Variants in FAT3 observed in about 807,000 individuals in gnomAD.
The protein encoded by FAT3 is protocadherin Fat 3.
In FAT3, 95 loss-of-function variants were observed where a neutral mutation model predicts 310.2. The ratio of observed to expected loss-of-function variants is 0.31; its 90% CI spans 0.26 to 0.36. FAT3 has a LOEUF of 0.36. Ranked by LOEUF, FAT3 falls within the 10% of genes least tolerant of loss-of-function variation. The pLI is 1.00. For synonymous variants in FAT3, 2,314 were observed against 2,192.9 expected (o/e 1.06, Z -1.54); for missense variants, 5,408 against 5,715.6 (o/e 0.95, Z 1.74).
At chr11:92,708,505 A>T (rs1312676601) in intron 4 of FAT3, among the ~76,000 whole-genome samples, 1 of 152,214 alleles carries the variant, frequency 6.6e-6, no homozygotes, top group Non-Finnish European at 1.5e-5. Context: ...CCTTTATAAG[A>T]TTTGGTGAGG....
chr11:92,383,630 ACT>A (rs1044144264), intron 2 of FAT3, among the ~76,000 whole-genome samples: 2 of 152,140 alleles, frequency 1.3e-5, no homozygotes, highest in African/African-American at 4.8e-5. Context: ...CCAAGTTGAC[ACT>A]CTGCCTTATG....
rs759024024 is a variant in FAT3 at position 92,800,491 on chromosome 11, G to T, written c.7478G>T (p.Ser2493Ile). The T allele has an allele frequency of 6.2e-6, 10 of 1,613,856 alleles. No homozygotes were observed. The highest frequency in any genetic ancestry group is 8.5e-6 in the Non-Finnish European group (10 of 1,179,876). The change falls in exon 10 of 28, where the codon AGC becomes ATC. Residue 2493 changes from serine (S) to isoleucine (I), a missense_variant. Physicochemically the swap from Ser to Ile is moderately radical, Grantham distance 142. Coordinates refer to ENST00000525166, the MANE Select transcript of FAT3 (RefSeq NM_001367949.2). The stretch of plus-strand genomic sequence containing the variant: ...AGGGTACTTGGGGCTAACTTGTACA[G>T]CCCTGCCTTTTCACAAAGCACATAC... ...HIRVLGANLY[S>I]PAFSQSTYVA...
intron 2 of FAT3, among the ~76,000 whole-genome samples, chr11:92,373,583 T>C (rs1292551165): frequency 6.6e-6 from 1 of 152,282 alleles, no homozygotes; most frequent in East Asian, 1.9e-4. Flanking sequence ...CATTACAATA[T>C]GTATTATATA....
intron 3 of FAT3, among the ~76,000 whole-genome samples, chr11:92,651,163 A>G (rs1177086110): frequency 6.6e-6 from 1 of 152,198 alleles, no homozygotes; most frequent in Non-Finnish European, 1.5e-5. Context: ...CCAATTGTCA[A>G]ATGGCTACTG....
chr11:92,419,719 T>G (rs1177620456), intron 2 of FAT3, among the ~76,000 whole-genome samples: 1 of 152,200 alleles, frequency 6.6e-6, no homozygotes, highest in Non-Finnish European at 1.5e-5. Flanking sequence ...CCTCCAGCTG[T>G]GTACCTGTCA....
rs1395448508 is a variant in FAT3 at position 92,225,102 on chromosome 11, G to T, written c.-90G>T. Among the ~76,000 whole-genome samples, 1 of 152,174 alleles carries T rather than the reference G, an allele frequency of 6.6e-6. No individual in the cohort carries two copies. Among genetic ancestry groups the T allele is most frequent in the East Asian group, 1.9e-4 (1 of 5,152 alleles). On this transcript the variant is annotated 5_prime_UTR_variant, in exon 1 of 28. Coordinates refer to ENST00000525166, the MANE Select transcript of FAT3 (RefSeq NM_001367949.2). ...GGGGACCGGCTCGCCCGGAGCAAGA[G>T]CGCCGAGCACCGGGTGAAGAAGACC...
chr11:92,663,493 A>C (rs1942857040), intron 3 of FAT3, among the ~76,000 whole-genome samples: 1 of 152,290 alleles, frequency 6.6e-6, no homozygotes, highest in South Asian at 2.1e-4. Flanking sequence ...TTAAATAGCA[A>C]CTGCCTCTTG....
At chr11:92,641,559 C>T (rs1287364084) in intron 3 of FAT3, among the ~76,000 whole-genome samples, 2 of 152,156 alleles carry the variant, frequency 1.3e-5, no homozygotes, top group Non-Finnish European at 2.9e-5. Context: ...ACTCCAATCT[C>T]GGCCTCTGTC....
chr11:92,741,249 C>T (rs1040139057), intron 4 of FAT3, among the ~76,000 whole-genome samples: 6 of 152,148 alleles, frequency 3.9e-5, no homozygotes, highest in South Asian at 2.1e-4. Flanking sequence ...CCATGTTCCC[C>T]GAGCTGATCT....
intron 2 of FAT3, among the ~76,000 whole-genome samples, chr11:92,405,401 G>A (rs533752837): frequency 1.6e-4 from 24 of 152,284 alleles, no homozygotes; most frequent in Admixed American, 5.9e-4. Flanking sequence ...TATTCAGCAA[G>A]AACTTGCTGT....
intron 2 of FAT3, among the ~76,000 whole-genome samples, chr11:92,399,029 G>T (rs1326602265): frequency 2.6e-5 from 4 of 152,148 alleles, no homozygotes; most frequent in African/African-American, 4.8e-5. Context: ...GCATTAATCT[G>T]TTCAATGAAA....
chr11:92,434,486 G>A (rs1950881208), intron 2 of FAT3, among the ~76,000 whole-genome samples: 1 of 152,124 alleles, frequency 6.6e-6, no homozygotes, highest in Admixed American at 6.5e-5. Context: ...ACCCCTGAGA[G>A]GTGTCATTAC....
chr11:92,683,151 T>C (rs1220296458), intron 3 of FAT3, among the ~76,000 whole-genome samples: 1 of 152,034 alleles, frequency 6.6e-6, no homozygotes, highest in East Asian at 1.9e-4. Flanking sequence ...ATTTACTTGC[T>C]TTCTAATGTG....
chr11:92,852,641 A>C (rs2136311292), intron 19 of FAT3, among the ~76,000 whole-genome samples: 1 of 152,350 alleles, frequency 6.6e-6, no homozygotes, highest in African/African-American at 2.4e-5. Context: ...TTGCTGCTGG[A>C]ATGAATGTAA....
intron 2 of FAT3, among the ~76,000 whole-genome samples, chr11:92,488,452 C>CACCG (rs1373122169): frequency 2.7e-5 from 2 of 73,328 alleles, no homozygotes; most frequent in African/African-American, 6.1e-5. Context: ...CTAGCACCGC[C>CACCG]CCCCCCCCCG....
intron 2 of FAT3, among the ~76,000 whole-genome samples, chr11:92,378,844 G>C (rs1162765899): frequency 1.9e-4 from 29 of 152,098 alleles, no homozygotes; most frequent in Admixed American, 1.9e-3. Flanking sequence ...GGTGCTTTCT[G>C]GTTATGTTTT....
intron 2 of FAT3, among the ~76,000 whole-genome samples, chr11:92,402,743 G>A (rs1216739654): frequency 7.1e-6 from 1 of 140,178 alleles, no homozygotes; most frequent in African/African-American, 2.7e-5. Flanking sequence ...AAAAAAAAAA[G>A]AAAGAAAGAA....
chr11:92,868,603 G>GAAC (rs1221194519), intron 22 of FAT3, among the ~76,000 whole-genome samples: 1 of 152,150 alleles, frequency 6.6e-6, no homozygotes, highest in Non-Finnish European at 1.5e-5. Flanking sequence ...GGTTGAAATA[G>GAAC]AACACCACTC....
At chr11:92,368,034 A>T (rs1591180115) in intron 2 of FAT3, among the ~76,000 whole-genome samples, 1 of 152,366 alleles carries the variant, frequency 6.6e-6, no homozygotes, top group South Asian at 2.1e-4. Flanking sequence ...AAAGTTTGAA[A>T]GTCAACAAAT....
Sources: allele counts gnomAD v4.1 joint callset (sites outside exome capture counted in the v4.1 genomes callset), GRCh38; gene constraint gnomAD v4.1.1; transcripts MANE v1.5; gene names NCBI Gene and HGNC (gene_info 2026-07-23, HGNC 2026-07-21).